NRCAM: variants seen among roughly 807,000 people sequenced by gnomAD.
NRCAM encodes neuronal cell adhesion molecule.
NRCAM carries 83 observed loss-of-function variants against 156.5 expected under a neutral mutation model. The observed-to-expected ratio is 0.53, with a 90% confidence interval of 0.44 to 0.64. The LOEUF (loss-of-function observed/expected upper bound fraction) is 0.64. Ranked by LOEUF, NRCAM falls within the 30% of genes least tolerant of loss-of-function variation. The probability of loss-of-function intolerance (pLI) is 0.00; values close to 1 mark genes in which losing one functional copy is unlikely to be tolerated. For synonymous variants in NRCAM, 538 were observed against 563.9 expected, an observed-to-expected ratio of 0.95 and a Z score of 0.65; for missense variants, 1,417 against 1,597.3, an observed-to-expected ratio of 0.89 and a Z score of 1.92.
chr7:108,235,204 A>G (rs1332702365), intron 5 of NRCAM, among the ~76,000 whole-genome samples: 1 of 152,188 alleles, frequency 6.6e-6, no homozygotes, highest in African/African-American at 2.4e-5. Context: ...ATCTCTTATC[A>G]GAGCCAGGAG....
At chr7:108,192,312 G>A (rs2072394190) in intron 17 of NRCAM, among the ~76,000 whole-genome samples, 1 of 152,182 alleles carries the variant, frequency 6.6e-6, no homozygotes, top group African/African-American at 2.4e-5. Context: ...GCAAGTGAGA[G>A]ATCTAGATCT....
Position 108,149,880 on chromosome 7 carries a change from G to C in NRCAM, c.*30C>G, listed in dbSNP as rs952898910. 13 of 1,561,552 alleles carry C rather than the reference G, an allele frequency of 8.3e-6. No individual in the cohort carries two copies. In the African/African-American group the frequency reaches 1.5e-4, roughly 18 times the overall value. ...AAGTGCTTAGGATAAACATTCTAGAGAAATGGAATATTGGCAAAGAGCTTA... is the reference window on the plus strand; with the variant it reads ...AAGTGCTTAGGATAAACATTCTAGACAAATGGAATATTGGCAAAGAGCTTA... On this transcript the variant is annotated 3_prime_UTR_variant, in exon 33 of 33. Coordinates refer to ENST00000379028, the MANE Select transcript of NRCAM (RefSeq NM_001037132.4).
intron 24 of NRCAM, among the ~76,000 whole-genome samples, chr7:108,180,913 A>T (rs1464372622): frequency 1.3e-5 from 2 of 152,232 alleles, no homozygotes; most frequent in Non-Finnish European, 2.9e-5. Flanking sequence ...CGTGTGGGCT[A>T]CTAAGTGACT....
intron 1 of NRCAM, among the ~76,000 whole-genome samples, chr7:108,402,843 AAAGACAATAGT>A (rs2099796924): frequency 6.6e-6 from 1 of 152,254 alleles, no homozygotes; most frequent in South Asian, 2.1e-4. Context: ...ACGCTAGAAC[AAAGACAATAGT>A]AAGACAAATT....
intron 15 of NRCAM, 133 bp downstream of exon 15, chr7:108,195,628 A>AAT (rs1554543649): frequency 2.0e-5 from 12 of 608,396 alleles, no homozygotes; most frequent in South Asian, 6.6e-5. Context: ...AAGAAAAAAA[A>AAT]ATATATTAAC....
At chr7:108,326,860 G>A (rs1332742520) in intron 2 of NRCAM, among the ~76,000 whole-genome samples, 1 of 152,160 alleles carries the variant, frequency 6.6e-6, no homozygotes, top group African/African-American at 2.4e-5. Context: ...ACAAGAGAAA[G>A]CAGCCCTGAG....
intron 2 of NRCAM, among the ~76,000 whole-genome samples, chr7:108,350,581 C>T (rs1041420635): frequency 6.6e-6 from 1 of 152,104 alleles, no homozygotes; most frequent in African/African-American, 2.4e-5. Context: ...TACCAGTTGC[C>T]CACAGTGGTT....
chr7:108,195,967 T>C (rs182496983), intron 14 of NRCAM, 95 bp from the exon 15 acceptor site: 6 of 813,668 alleles, frequency 7.4e-6, no homozygotes, highest in South Asian at 3.0e-5. Context: ...TTAAAGTTTA[T>C]GGTAAAGCAC....
chr7:108,365,085 G>A (rs777454333), intron 2 of NRCAM, among the ~76,000 whole-genome samples: 7 of 152,028 alleles, frequency 4.6e-5, no homozygotes, highest in Non-Finnish European at 8.8e-5. Context: ...ATGGTGCTGG[G>A]GAGTATAATC....
chr7:108,373,565 A>T (rs2099642922), intron 2 of NRCAM, among the ~76,000 whole-genome samples: 1 of 152,188 alleles, frequency 6.6e-6, no homozygotes, highest in African/African-American at 2.4e-5. Flanking sequence ...ACAGGGGACA[A>T]TAAGGTGGAA....
intron 2 of NRCAM, among the ~76,000 whole-genome samples, chr7:108,378,300 GA>G (rs1389262190): frequency 4.6e-5 from 7 of 151,720 alleles, no homozygotes; most frequent in Non-Finnish European, 4.4e-5. Flanking sequence ...AGAACTTCCT[GA>G]AAAAAATGAT....
chr7:108,426,707 T>A (rs1817730393), intron 1 of NRCAM, among the ~76,000 whole-genome samples: 1 of 152,224 alleles, frequency 6.6e-6, no homozygotes. Flanking sequence ...AAACATGTAA[T>A]TATCTCCACA....
In NRCAM at chr7:108,184,492, G is replaced by A. The variant is rs748291627; in HGVS notation, c.2158C>T (p.Arg720Cys). 4 of 1,614,134 alleles carry A rather than the reference G, an allele frequency of 2.5e-6. No individual in the cohort carries two copies. Among genetic ancestry groups the A allele is most frequent in the Non-Finnish European group, 3.4e-6 (4 of 1,180,018 alleles). Residue 720 changes from arginine to cysteine, a missense_variant, in exon 21 of 33, where the codon CGC (arginine) becomes TGC (cysteine). By Grantham distance (180) the Arg-to-Cys change is radical. Transcript: ENST00000379028. ...CCAATGCTGTTCACTGCCATCACGC[G>A]GAAGGAGTAGTTCACGTAAGGAGAC... ...KLSPYVNYSF[R>C]VMAVNSIGKS... is the part of the protein sequence containing the mutation.
At chr7:108,234,540 T>C (rs764980742) in intron 6 of NRCAM, 43 bp downstream of exon 6, 1 of 1,169,022 alleles carries the variant, frequency 8.6e-7, no homozygotes, top group African/African-American at 1.5e-5. Flanking sequence ...AGAGATTTCC[T>C]GATTTATTCT....
rs752242250 is a variant in NRCAM at position 108,159,521 on chromosome 7, G to T, written c.3619C>A (p.His1207Asn). The T allele has an allele frequency of 2.5e-6, 4 of 1,613,158 alleles. No individual in the cohort carries two copies. The African/African-American group carries it at 4.0e-5, about 16-fold the overall frequency. ...KYPVKEKEDA[H>N]ADPEIQPMKE... ...ATAGGCTGGATTTCAGGGTCAGCAT[G>T]GGCATCTTCCTTTTCTTTAACTAAA... The change falls in exon 32 of 33, where the codon CAT (histidine) becomes AAT (asparagine). Residue 1207 changes from histidine (H) to asparagine (N), a missense_variant. Around this residue, in one of 2 missense-constraint regions of NRCAM, gnomAD observed 179 missense variants for 260.9 expected, o/e 0.69. Coordinates refer to ENST00000379028, the MANE Select transcript of NRCAM (RefSeq NM_001037132.4).
intron 30 of NRCAM, among the ~76,000 whole-genome samples, chr7:108,160,868 A>G (rs2048498805): frequency 6.6e-6 from 1 of 152,244 alleles, no homozygotes; most frequent in Non-Finnish European, 1.5e-5. Context: ...TACAAAACTG[A>G]GTTTTAAACA....
At chr7:108,237,880 T>C in intron 4 of NRCAM, 111 bp from the exon 5 acceptor site, 1 of 756,134 alleles carries the variant, frequency 1.3e-6, no homozygotes, top group South Asian at 2.8e-5. Context: ...TCTTGTCTAT[T>C]TGATTTGATC....
intron 2 of NRCAM, among the ~76,000 whole-genome samples, chr7:108,353,025 A>G (rs1419574440): frequency 6.6e-6 from 1 of 151,220 alleles, no homozygotes; most frequent in Non-Finnish European, 1.5e-5. Flanking sequence ...TATTTTTTTA[A>G]ATTATACGAG....
chr7:108,290,249 T>C (rs895753395), intron 3 of NRCAM, among the ~76,000 whole-genome samples: 2 of 152,096 alleles, frequency 1.3e-5, no homozygotes, highest in African/African-American at 2.4e-5. Context: ...AGTAGTCAAA[T>C]TGAAAGAATA....
Sources: allele counts gnomAD v4.1 joint callset (sites outside exome capture counted in the v4.1 genomes callset), GRCh38; gene constraint gnomAD v4.1.1; regional missense constraint gnomAD v4.1.1; transcripts MANE v1.5; gene names NCBI Gene and HGNC (gene_info 2026-07-23, HGNC 2026-07-21).